The following CAMK1D variants were observed in gnomAD, a reference collection of about 807,000 sequenced individuals.
CAMK1D encodes the protein calcium/calmodulin-dependent protein kinase type 1D.
In CAMK1D, 9 loss-of-function variants were observed where a neutral mutation model predicts 47.7. That is an observed-to-expected ratio of 0.19 (90% CI 0.11 to 0.33). The LOEUF (loss-of-function observed/expected upper bound fraction) is 0.33. Among genes scored for constraint, CAMK1D ranks in the 10% least tolerant of loss-of-function variants. The pLI, the probability that CAMK1D is intolerant of heterozygous loss-of-function variation, is 1.00. For synonymous variants in CAMK1D, 184 were observed against 184.9 expected (o/e 0.99, Z 0.04); for missense variants, 291 against 488.7 (o/e 0.60, Z 3.81).
At chr10:12,689,552 G>C (rs968592523) in intron 3 of CAMK1D, among the ~76,000 whole-genome samples, 1 of 152,038 alleles carries the variant, frequency 6.6e-6, no homozygotes, top group Non-Finnish European at 1.5e-5. Flanking sequence ...CGAGGCGGGC[G>C]GATCACCTGA....
Position 12,829,047 on chromosome 10 carries a change from A to G in CAMK1D, c.*160A>G, listed in dbSNP as rs1307607261. ...TTTTATGGCCATATTTTCTACTGCA[A>G]TTCTGAAGTGTTCATTTCTCACAAA... On this transcript the variant is annotated 3_prime_UTR_variant, in exon 11 of 11. Coordinates refer to ENST00000619168, the MANE Select transcript of CAMK1D (RefSeq NM_153498.4). The G allele has an allele frequency of 3.1e-5, 18 of 577,088 alleles. No individual in the cohort carries two copies. Among genetic ancestry groups the G allele is most frequent in the Admixed American group, 1.3e-4 (4 of 30,372 alleles). The allele number at this position is 577,088 out of a possible 1,614,324, so 35.7% of individuals were successfully genotyped here. A position where few individuals can be genotyped will look rare whatever the true frequency, so the allele number is the denominator to read the frequency against.
At chr10:12,375,477 T>C (rs1281127337) in intron 1 of CAMK1D, among the ~76,000 whole-genome samples, 2 of 152,204 alleles carry the variant, frequency 1.3e-5, no homozygotes, top group Non-Finnish European at 2.9e-5. Flanking sequence ...CTCACCTGTT[T>C]ACAGGCCCTT....
intron 3 of CAMK1D, among the ~76,000 whole-genome samples, chr10:12,737,197 A>G (rs542273562): frequency 6.6e-6 from 1 of 151,744 alleles, no homozygotes; most frequent in South Asian, 2.1e-4. Context: ...CTCTCTCCTC[A>G]GGGTCTTCAC....
chr10:12,525,533 C>G (rs1198476234), intron 1 of CAMK1D, among the ~76,000 whole-genome samples: 1 of 151,518 alleles, frequency 6.6e-6, no homozygotes, highest in Non-Finnish European at 1.5e-5. Flanking sequence ...AAAAAAATTT[C>G]AATTATTCTG....
At chr10:12,359,861 C>A (rs1479825545) in intron 1 of CAMK1D, among the ~76,000 whole-genome samples, 4 of 152,144 alleles carry the variant, frequency 2.6e-5, no homozygotes, top group Non-Finnish European at 5.9e-5. Context: ...GTATATACCC[C>A]ATAAGCATAT....
chr10:12,452,105 G>C (rs961521749), intron 1 of CAMK1D, among the ~76,000 whole-genome samples: 1 of 152,142 alleles, frequency 6.6e-6, no homozygotes, highest in Admixed American at 6.6e-5. Flanking sequence ...CGATGTTTGC[G>C]GATCCCTTTG....
intron 6 of CAMK1D, among the ~76,000 whole-genome samples, chr10:12,813,482 A>G (rs146515480): frequency 0.034 from 5,240 of 152,316 alleles, 125 homozygotes; most frequent in Non-Finnish European, 0.049. Context: ...ATCCTCTGTT[A>G]GGGACAGTAT....
chr10:12,410,458 C>A (rs1048726815), intron 1 of CAMK1D, among the ~76,000 whole-genome samples: 3 of 152,284 alleles, frequency 2.0e-5, no homozygotes, highest in African/African-American at 7.2e-5. Context: ...GAAAAGCTAG[C>A]CTCGGCCCTC....
chr10:12,357,909 A>G (rs1254675016), intron 1 of CAMK1D, among the ~76,000 whole-genome samples: 1 of 151,854 alleles, frequency 6.6e-6, no homozygotes. Context: ...TATGCAGTGT[A>G]TTGATTATTC....
intron 2 of CAMK1D, among the ~76,000 whole-genome samples, chr10:12,614,267 C>T (rs952843881): frequency 6.6e-6 from 1 of 152,210 alleles, no homozygotes; most frequent in Non-Finnish European, 1.5e-5. Context: ...CACACACACA[C>T]TACCGTGTAG....
chr10:12,551,490 C>T (rs1253649299), intron 1 of CAMK1D, among the ~76,000 whole-genome samples: 3 of 152,168 alleles, frequency 2.0e-5, no homozygotes, highest in Non-Finnish European at 4.4e-5. Flanking sequence ...CGTGGTGGTT[C>T]ACACCTATAA....
rs191116490 is a variant in CAMK1D, at chr10:12,628,510, C to A, written c.225-38226C>A. On this transcript the variant is annotated intron_variant, in intron 2 of 10. Coordinates refer to ENST00000619168, the MANE Select transcript of CAMK1D (RefSeq NM_153498.4). ...AGGGAGTTCTCATATACCCCCAACCCAATTTGCCCTATTATTAACATCTTG... is the reference window on the plus strand; with the variant it reads ...AGGGAGTTCTCATATACCCCCAACCAAATTTGCCCTATTATTAACATCTTG... Among the ~76,000 whole-genome samples, 1,236 of 152,234 alleles carry A rather than the reference C, an allele frequency of 8.1e-3. 14 individuals are homozygous for A. The highest frequency in any genetic ancestry group is 0.011 in the Non-Finnish European group (762 of 68,022).
At chr10:12,763,014 G>T (rs372983549) in intron 4 of CAMK1D, among the ~76,000 whole-genome samples, 23 of 152,326 alleles carry the variant, frequency 1.5e-4, no homozygotes, top group Admixed American at 3.3e-4. Flanking sequence ...TCCAGGAGGG[G>T]CAGTGTTTAT....
chr10:12,484,942 C>G (rs987147737), intron 1 of CAMK1D, among the ~76,000 whole-genome samples: 3 of 152,170 alleles, frequency 2.0e-5, no homozygotes, highest in African/African-American at 4.8e-5. Context: ...CTGGCTTCTT[C>G]CCTTCTCCTC....
chr10:12,583,436 A>C (rs1837720529), intron 2 of CAMK1D, among the ~76,000 whole-genome samples: 1 of 152,148 alleles, frequency 6.6e-6, no homozygotes, highest in African/African-American at 2.4e-5. Context: ...CTTTTTTCTT[A>C]ATAGGAAAAT....
At position 12,679,113 on chromosome 10, in the gene CAMK1D, C is replaced by T. The variant is rs186156344; in HGVS notation, c.299+12303C>T. ...CACTACTTTTCTAAATACCATCTTA[C>T]GCATTTTAGCCAATATGAGTGACAG... On this transcript the variant is annotated intron_variant, in intron 3 of 10. Coordinates refer to ENST00000619168, the MANE Select transcript of CAMK1D (RefSeq NM_153498.4). 3.3e-3 allele frequency among the ~76,000 whole-genome samples: 507 copies of T among 152,270 alleles called. 3 individuals carry two copies. Among genetic ancestry groups the T allele is most frequent in the African/African-American group, 0.011 (454 of 41,542 alleles).
intron 1 of CAMK1D, among the ~76,000 whole-genome samples, chr10:12,360,700 A>C (rs1243053445): frequency 6.6e-6 from 1 of 152,138 alleles, no homozygotes; most frequent in Non-Finnish European, 1.5e-5. Context: ...AATGGGTCGC[A>C]AACTGGGGAG....
chr10:12,719,777 C>G (rs1358930691), intron 3 of CAMK1D, among the ~76,000 whole-genome samples: 1 of 152,220 alleles, frequency 6.6e-6, no homozygotes, highest in Non-Finnish European at 1.5e-5. Context: ...ACAGTTATCC[C>G]AGGATGAAAC....
At chr10:12,614,488 T>A (rs1838722321) in intron 2 of CAMK1D, among the ~76,000 whole-genome samples, 1 of 152,272 alleles carries the variant, frequency 6.6e-6, no homozygotes, top group Non-Finnish European at 1.5e-5. Flanking sequence ...CATAGTTTTA[T>A]ATATTACAAA....
Sources: allele counts gnomAD v4.1 joint callset (sites outside exome capture counted in the v4.1 genomes callset), GRCh38; gene constraint gnomAD v4.1.1; transcripts MANE v1.5; gene names NCBI Gene and HGNC (gene_info 2026-07-23, HGNC 2026-07-21).